TMEM230: variants seen among roughly 807,000 people sequenced by gnomAD.
TMEM230 encodes the protein transmembrane protein 230.
In TMEM230, 10 loss-of-function variants were observed where a neutral mutation model predicts 15.8. The observed-to-expected ratio is 0.63, with a 90% CI of 0.39 to 1.07. TMEM230 has a LOEUF of 1.07. Ranked by LOEUF, TMEM230 falls within the 50% of genes least tolerant of loss-of-function variation. The probability of loss-of-function intolerance (pLI) is 0.01; values close to 1 mark genes in which losing one functional copy is unlikely to be tolerated. For synonymous variants in TMEM230, 67 were observed against 76.9 expected, an observed-to-expected ratio of 0.87 and a Z score of 0.68; for missense variants, 165 against 193.3, an observed-to-expected ratio of 0.85 and a Z score of 0.87.
At chr20:5,084,733 C>T (rs1223012299) in intron 3 of TMEM230, among the ~76,000 whole-genome samples, 1 of 152,046 alleles carries the variant, frequency 6.6e-6, no homozygotes, top group Non-Finnish European at 1.5e-5. Context: ...GGGGTTTCAC[C>T]ATGTTGGCCA....
chr20:5,076,964 C>T (rs2089024011), intron 3 of TMEM230, among the ~76,000 whole-genome samples: 1 of 150,582 alleles, frequency 6.6e-6, no homozygotes, highest in Non-Finnish European at 1.5e-5. Flanking sequence ...AGGTGTGAGC[C>T]ACCATGCCCA....
chr20:5,095,196 T>C (rs2089630652), downstream of TMEM230, among the ~76,000 whole-genome samples: 1 of 152,152 alleles, frequency 6.6e-6, no homozygotes, highest in African/African-American at 2.4e-5. Context: ...TCTTCTTGTG[T>C]TAGTGAGAGG....
At chr20:5,069,435 C>T in intron 3 of TMEM230, 1 of 1,395,466 alleles carries the variant, frequency 7.2e-7, no homozygotes, top group Non-Finnish European at 9.5e-7. Context: ...GAAATCACAT[C>T]TTATGCATTT....
intron 3 of TMEM230, among the ~76,000 whole-genome samples, chr20:5,074,160 C>T (rs1415544590): frequency 1.3e-5 from 2 of 152,200 alleles, no homozygotes; most frequent in Non-Finnish European, 2.9e-5. Flanking sequence ...CCAGGCCCCT[C>T]CTCCAACACT....
At chr20:5,112,782 C>T (rs2090378965) in intron 1 of TMEM230, 179 bp downstream of exon 1, 1 of 1,484,072 alleles carries the variant, frequency 6.7e-7, no homozygotes, top group Non-Finnish European at 8.9e-7. Flanking sequence ...TAAGAACCGA[C>T]GCGAATTTAG....
chr20:5,110,149 C>T (rs2090254894), intron 2 of TMEM230, among the ~76,000 whole-genome samples: 1 of 151,936 alleles, frequency 6.6e-6, no homozygotes, highest in Non-Finnish European at 1.5e-5. Flanking sequence ...CACCGCCTCC[C>T]AGGTTCAAAC....
Position 5,100,141 on chromosome 20 carries a change from A to G in TMEM230, c.*650T>C. 2 of 985,460 alleles carry G rather than the reference A, an allele frequency of 2.0e-6. No homozygotes were observed. Among genetic ancestry groups the G allele is most frequent in the South Asian group, 4.7e-5 (1 of 21,292 alleles). 61.0% of individuals were successfully genotyped at this position (985,460 alleles called of 1,614,324 possible). A position where few individuals can be genotyped will look rare whatever the true frequency, so the allele number is the denominator to read the frequency against. On this transcript the variant is annotated 3_prime_UTR_variant, in exon 5 of 5. Coordinates refer to ENST00000342308, the MANE Select transcript of TMEM230 (RefSeq NM_001009923.2). ...AGAACATCTTGATTTACAAGGGACAAAATGATGCAAATTATATGCTGTCCA... is the reference window on the plus strand; with the variant it reads ...AGAACATCTTGATTTACAAGGGACAGAATGATGCAAATTATATGCTGTCCA...
At chr20:5,106,541 T>C (rs1352209447) in intron 3 of TMEM230, among the ~76,000 whole-genome samples, 1 of 151,968 alleles carries the variant, frequency 6.6e-6, no homozygotes, top group Non-Finnish European at 1.5e-5. Context: ...GCAGCTGGGG[T>C]TACAGGTGCC....
chr20:5,107,886 T>C (rs2090158028), intron 3 of TMEM230, among the ~76,000 whole-genome samples: 1 of 145,294 alleles, frequency 6.9e-6, no homozygotes, highest in Non-Finnish European at 1.5e-5. Context: ...CCGAAGTGGG[T>C]GAATCACTGG....
At chr20:5,096,207 GC>G (rs1303524313), downstream of TMEM230, among the ~76,000 whole-genome samples, 1 of 152,228 alleles carries the variant, frequency 6.6e-6, no homozygotes, top group Non-Finnish European at 1.5e-5. Context: ...CTCCACCTCT[GC>G]CTCATCCCAG....
downstream of TMEM230, among the ~76,000 whole-genome samples, chr20:5,095,905 A>G (rs2089652441): frequency 6.6e-6 from 1 of 152,240 alleles, no homozygotes; most frequent in African/African-American, 2.4e-5. Flanking sequence ...AAGCTCCATG[A>G]GAGGCGATCT....
At chr20:5,091,035 G>A (rs1008800922) in intron 3 of TMEM230, among the ~76,000 whole-genome samples, 1 of 152,070 alleles carries the variant, frequency 6.6e-6, no homozygotes, top group Non-Finnish European at 1.5e-5. Flanking sequence ...GGGTCTCGCT[G>A]TCACCCAGGC....
chr20:5,091,078 C>T (rs1231350434), intron 3 of TMEM230, among the ~76,000 whole-genome samples: 4 of 152,086 alleles, frequency 2.6e-5, no homozygotes, highest in Admixed American at 6.6e-5. Context: ...GGCTCACTGC[C>T]GCCTTGAACT....
intron 2 of TMEM230, among the ~76,000 whole-genome samples, chr20:5,110,661 T>C (rs2090275949): frequency 6.6e-6 from 1 of 152,138 alleles, no homozygotes; most frequent in African/African-American, 2.4e-5. Flanking sequence ...GCACTGAAAG[T>C]AGTGATTTCA....
At chr20:5,102,746 T>G (rs2089921529) in intron 4 of TMEM230, among the ~76,000 whole-genome samples, 1 of 146,054 alleles carries the variant, frequency 6.8e-6, no homozygotes, top group Non-Finnish European at 1.5e-5. Flanking sequence ...TGAACAGACA[T>G]GGAGAGAATA....
chr20:5,088,670 C>A (rs979672236), intron 3 of TMEM230, among the ~76,000 whole-genome samples: 14 of 152,048 alleles, frequency 9.2e-5, no homozygotes, highest in African/African-American at 3.4e-4. Context: ...TGCCACCATG[C>A]CTGGCTTAAT....
intron 4 of TMEM230, among the ~76,000 whole-genome samples, chr20:5,103,135 G>A (rs533091567): frequency 1.6e-4 from 24 of 152,250 alleles, no homozygotes; most frequent in Non-Finnish European, 2.8e-4. Context: ...AGGCTAGGGT[G>A]GGCCTCACAC....
chr20:5,091,463 G>A (rs535902430), intron 3 of TMEM230, among the ~76,000 whole-genome samples: 4 of 152,120 alleles, frequency 2.6e-5, no homozygotes, highest in South Asian at 4.2e-4. Flanking sequence ...CACCCACCTC[G>A]GCCTCCAAAA....
chr20:5,059,771 T>C, the TMEM230 span, among the ~76,000 whole-genome samples: 41 of 72,650 alleles, frequency 5.6e-4, no homozygotes, highest in African/African-American at 2.1e-3. Flanking sequence ...TAATTTTTTT[T>C]TTTTTTTTTT....
Sources: allele counts gnomAD v4.1 joint callset (sites outside exome capture counted in the v4.1 genomes callset), GRCh38; gene constraint gnomAD v4.1.1; transcripts MANE v1.5; gene names NCBI Gene and HGNC (gene_info 2026-07-23, HGNC 2026-07-21).